PPP2R5E: variants seen among roughly 807,000 people sequenced by gnomAD.
The protein encoded by PPP2R5E is protein phosphatase 2 regulatory subunit B'epsilon.
A neutral mutation model predicts 65.3 loss-of-function variants in PPP2R5E; 4 were observed. That is an observed-to-expected ratio of 0.06 (90% confidence interval 0.03 to 0.14). The LOEUF (loss-of-function observed/expected upper bound fraction) is 0.14, where lower values mean the gene tolerates loss of function less well. PPP2R5E is among the 10% of genes least tolerant of loss of function. PPP2R5E has a pLI of 1.00. For missense variants in PPP2R5E, 274 were observed against 556.1 expected (o/e 0.49, Z 5.10); for synonymous variants, 183 against 187.4 (o/e 0.98, Z 0.19).
At chr14:63,389,470 TG>T in intron 11 of PPP2R5E, 141 bp downstream of exon 11, 2 of 974,868 alleles carry the variant, frequency 2.1e-6, no homozygotes, top group Non-Finnish European at 2.9e-6. Context: ...CAAGATAAGC[TG>T]GCCACTATTA....
In PPP2R5E at chr14:63,372,699, TA is replaced by T. The variant is rs1883753587; in HGVS notation, c.*3309del. ...ATAAAAAAGCTTTTAAAGCTCTAAA[TA>T]TACTTTTTTTGTTTCTTTCCATAGT... On this transcript the variant is annotated 3_prime_UTR_variant, in exon 14 of 14. Transcript: ENST00000337537. The T allele has an allele frequency of 6.6e-6, 1 of 152,152 alleles. No individual in the cohort carries two copies. Among genetic ancestry groups the T allele is most frequent in the Non-Finnish European group, 1.5e-5 (1 of 68,044 alleles). 9.4% of individuals were successfully genotyped at this position (152,152 alleles called of 1,614,324 possible).
At chr14:63,527,204 C>A (rs1467546267) in intron 2 of PPP2R5E, among the ~76,000 whole-genome samples, 1 of 152,136 alleles carries the variant, frequency 6.6e-6, no homozygotes, top group African/African-American at 2.4e-5. Flanking sequence ...AATAATTTTA[C>A]CTGGTAATGC....
At chr14:63,504,315 C>T (rs1393178471) in intron 2 of PPP2R5E, among the ~76,000 whole-genome samples, 1 of 152,172 alleles carries the variant, frequency 6.6e-6, no homozygotes, top group Non-Finnish European at 1.5e-5. Flanking sequence ...GGCACGGTGG[C>T]TCACACCTGT....
chr14:63,411,414 AT>A (rs2139848391), intron 5 of PPP2R5E, among the ~76,000 whole-genome samples: 1 of 151,940 alleles, frequency 6.6e-6, no homozygotes, highest in South Asian at 2.1e-4. Context: ...AATTATTTTT[AT>A]TTTTATAGTT....
intron 2 of PPP2R5E, among the ~76,000 whole-genome samples, chr14:63,499,402 T>C (rs1891742448): frequency 2.0e-5 from 3 of 152,230 alleles, no homozygotes; most frequent in African/African-American, 4.8e-5. Flanking sequence ...TTTCTCTAAA[T>C]TAATCAATAT....
intron 1 of PPP2R5E, among the ~76,000 whole-genome samples, chr14:63,540,185 C>T (rs1893832673): frequency 6.6e-6 from 1 of 150,744 alleles, no homozygotes; most frequent in South Asian, 2.1e-4. Flanking sequence ...AATCCCAGCA[C>T]TTTGGGAGGC....
chr14:63,451,016 G>A lies in PPP2R5E; in HGVS notation c.354+2673C>T, dbSNP rs574598904. Among the ~76,000 whole-genome samples, 4 of 152,130 alleles carry A rather than the reference G, an allele frequency of 2.6e-5. No individual in the cohort carries two copies. In the South Asian group the frequency reaches 8.3e-4, roughly 31 times the overall value. ...CAAATCAATACCAAATGCTGGTGAG[G>A]ATGTGGAGCAGCAGAAATTCTCATT... is the stretch of plus-strand genomic sequence containing the variant. On this transcript the variant is annotated intron_variant, in intron 3 of 13. Transcript: ENST00000337537.
chr14:63,388,591 T>G (rs372069979), intron 11 of PPP2R5E, among the ~76,000 whole-genome samples: 1 of 152,316 alleles, frequency 6.6e-6, no homozygotes. Flanking sequence ...GTTCTGTAAT[T>G]TTTCCATTTT....
chr14:63,449,318 C>T (rs1011550746), intron 3 of PPP2R5E, among the ~76,000 whole-genome samples: 3 of 152,130 alleles, frequency 2.0e-5, no homozygotes, highest in Admixed American at 1.3e-4. Context: ...ATTTTAAGTA[C>T]AAAGAAGTAA....
intron 8 of PPP2R5E, among the ~76,000 whole-genome samples, chr14:63,392,458 T>C (rs1354281124): frequency 6.6e-6 from 1 of 152,220 alleles, no homozygotes; most frequent in African/African-American, 2.4e-5. Context: ...ACTTTGCCAA[T>C]TGCCTGAAAT....
Position 63,389,851 on chromosome 14 carries a change from T to C in PPP2R5E, c.955-120A>G, listed in dbSNP as rs1464723357. 1.6e-5 allele frequency: 17 copies of C among 1,061,562 alleles called. No homozygotes were observed. The East Asian group carries it at 4.7e-4, about 30-fold the overall frequency. The allele number at this position is 1,061,562 out of a possible 1,614,324, so 65.8% of individuals were successfully genotyped here. A position where few individuals can be genotyped will look rare whatever the true frequency, so the allele number is the denominator to read the frequency against. ...AAAAATTTACACATAAAACCAAACA[T>C]ACATGAACCAGTCATTATCCCATGT... On this transcript the variant is annotated intron_variant, in intron 10 of 13. Transcript: ENST00000337537.
rs771187582 is a variant in PPP2R5E at position 63,396,600 on chromosome 14, G to A, written c.666C>T (p.Asn222=). The A allele has an allele frequency of 1.2e-6, 2 of 1,612,564 alleles. No homozygotes were observed. The highest frequency in any genetic ancestry group is 1.7e-6 in the Non-Finnish European group (2 of 1,179,552). Residue 222 remains asparagine, a synonymous_variant, in exon 6 of 14, where the codon AAC becomes AAT. Coordinates refer to ENST00000337537, the MANE Select transcript of PPP2R5E (RefSeq NM_006246.5). ...GLRAFIRKQI[N]NIFLRFVYET... is the part of the protein sequence containing the mutation. ...ACTCCACTTACCTTAGAAAAATATTGTTAATCTGTTTTCGGATAAATGCTC... is the reference window on the plus strand; with the variant it reads ...ACTCCACTTACCTTAGAAAAATATTATTAATCTGTTTTCGGATAAATGCTC...
chr14:63,416,325 C>A (rs74060078), intron 4 of PPP2R5E, among the ~76,000 whole-genome samples: 1 of 152,064 alleles, frequency 6.6e-6, no homozygotes, highest in Non-Finnish European at 1.5e-5. Flanking sequence ...ACTTTTTAAA[C>A]CATGAATACT....
rs869240160 is a variant in PPP2R5E, at chr14:63,531,542, TC to T, written c.157+7986del. On this transcript the variant is annotated intron_variant, in intron 2 of 13. Transcript: ENST00000337537. The stretch of plus-strand genomic sequence containing the variant: ...TTTTGTGCAAGATCTTAAAATTGCT[TC>T]CCCCCAAAAAAATTATTACCACACT... Among the ~76,000 whole-genome samples the T allele has an allele frequency of 3.3e-5, 5 of 152,142 alleles. No individual in the cohort carries two copies. The East Asian group carries it at 5.8e-4, about 18-fold the overall frequency.
At position 63,393,764 on chromosome 14, in the gene PPP2R5E, C is replaced by T. The variant is rs532014669; in HGVS notation, c.849+56G>A. ...GAAGGTTATATCAATATCAAAAAAA[C>T]GAGTTTGCAAACTTTTTATTTTGCT... On this transcript the variant is annotated intron_variant, in intron 8 of 13. Transcript: ENST00000337537. 67 of 1,245,186 alleles carry T rather than the reference C, an allele frequency of 5.4e-5. No individual in the cohort carries two copies. In the South Asian group the frequency reaches 5.9e-4, roughly 11 times the overall value. The allele number at this position is 1,245,186 out of a possible 1,614,324, so 77.1% of individuals were successfully genotyped here.
chr14:63,467,222 C>CAAAAAAA (rs767892639), intron 2 of PPP2R5E, among the ~76,000 whole-genome samples: 1,684 of 113,524 alleles, frequency 0.015, 195 homozygotes, highest in Non-Finnish European at 0.019. Flanking sequence ...GACTCCGTCT[C>CAAAAAAA]AAAAAAAACA....
intron 2 of PPP2R5E, among the ~76,000 whole-genome samples, chr14:63,530,069 A>C (rs1313419823): frequency 6.6e-6 from 1 of 152,150 alleles, no homozygotes; most frequent in Non-Finnish European, 1.5e-5. Context: ...AATCTTTGAG[A>C]ATCTGATGAA....
At chr14:63,378,091 T>C (rs556199760) in intron 13 of PPP2R5E, among the ~76,000 whole-genome samples, 1 of 152,304 alleles carries the variant, frequency 6.6e-6, no homozygotes, top group African/African-American at 2.4e-5. Flanking sequence ...TGTTTCTCAG[T>C]ACAGTCTGGG....
chr14:63,528,488 C>T (rs963841447), intron 2 of PPP2R5E, among the ~76,000 whole-genome samples: 1 of 152,114 alleles, frequency 6.6e-6, no homozygotes, highest in African/African-American at 2.4e-5. Context: ...TCTATAAAAT[C>T]CACTCCATTC....
Sources: gnomAD v4.1 joint callset for allele counts (sites outside exome capture counted in the v4.1 genomes callset) on GRCh38, gnomAD v4.1.1 for gene constraint, MANE v1.5 for transcripts, NCBI Gene and HGNC (gene_info 2026-07-23, HGNC 2026-07-21) for gene names.